The following CELF2 variants were observed in gnomAD, a reference collection of about 807,000 sequenced individuals.
CELF2 encodes the protein CUG triplet repeat RNA-binding protein 2.
CELF2 carries 8 observed loss-of-function variants against 62.6 expected under a neutral mutation model. The observed-to-expected ratio is 0.13, with a 90% CI of 0.07 to 0.23. CELF2 has a LOEUF of 0.23. CELF2 is among the 10% of genes least tolerant of loss of function. The pLI, the probability that CELF2 is intolerant of heterozygous loss-of-function variation, is 1.00. For synonymous variants in CELF2, 258 were observed against 250.0 expected (o/e 1.03, Z -0.30); for missense variants, 333 against 671.0 (o/e 0.50, Z 5.56).
chr10:10,559,173 C>G, the CELF2 span, among the ~76,000 whole-genome samples: 16 of 152,310 alleles, frequency 1.1e-4, no homozygotes, highest in African/African-American at 3.6e-4. Context: ...TTATAACAAA[C>G]TGTAGTAAGT....
chr10:11,049,162 T>G (rs1481893396), intron 1 of CELF2, among the ~76,000 whole-genome samples: 1 of 150,638 alleles, frequency 6.6e-6, no homozygotes, highest in Non-Finnish European at 1.5e-5. Flanking sequence ...AAAAAAAAAA[T>G]CAGCTTAGCC....
At position 11,331,455 on chromosome 10, in the gene CELF2, ATG is replaced by A. The variant is rs1491038202; in HGVS notation, c.*2404_*2405del. The A allele has an allele frequency of 2.0e-5, 3 of 151,838 alleles. No individual in the cohort carries two copies. The highest frequency in any genetic ancestry group is 7.3e-5 in the African/African-American group (3 of 41,286). 9.4% of individuals were successfully genotyped at this position (151,838 alleles called of 1,614,324 possible). ...ATGTGTTTGTGTTCAGCAAAATGTG[ATG>A]TTTTTTTCTTTTAAAGAAAAAAAGT... On this transcript the variant is annotated 3_prime_UTR_variant, in exon 13 of 13. Transcript: ENST00000633077.
rs1202323100 is a variant in CELF2 at position 10,931,133 on chromosome 10, G to A, written c.89+11134G>A. 1.3e-5 allele frequency among the ~76,000 whole-genome samples: 2 copies of A among 152,108 alleles called. No individual in the cohort carries two copies. The highest frequency in any genetic ancestry group is 6.5e-5 in the Admixed American group (1 of 15,278). On this transcript the variant is annotated intron_variant, in intron 2 of 13. Coordinates refer to the CELF2 transcript ENST00000636488. This position sits in a 1 kb window ranked among gnomAD's most constrained non-coding sequence, Gnocchi z 6.1. Reference sequence around the variant, plus strand: ...TCTTTTCGGATTAGGTTTTGTAAATGTTTCTATTATGTATTTTCCTTTTCC... The same window carrying A: ...TCTTTTCGGATTAGGTTTTGTAAATATTTCTATTATGTATTTTCCTTTTCC...
intron 1 of CELF2, among the ~76,000 whole-genome samples, chr10:11,111,047 C>G (rs887756693): frequency 6.6e-6 from 1 of 152,158 alleles, no homozygotes; most frequent in Non-Finnish European, 1.5e-5. Context: ...TACTCTCCAC[C>G]CTTTTCCATC....
At position 11,331,473 on chromosome 10, in the gene CELF2, G is replaced by GAAAA. The variant is rs974510875; in HGVS notation, c.*2424_*2427dup. On this transcript the variant is annotated 3_prime_UTR_variant, in exon 13 of 13. Coordinates refer to ENST00000633077, the MANE Select transcript of CELF2 (RefSeq NM_001326342.2). ...AAATGTGATGTTTTTTTCTTTTAAA[G>GAAAA]AAAAAAAGTGAAAATATATAGTGCC... The GAAAA allele has an allele frequency of 4.7e-5, 7 of 149,996 alleles. No individual in the cohort carries two copies. Among genetic ancestry groups the GAAAA allele is most frequent in the Non-Finnish European group, 1.5e-5 (1 of 67,538 alleles). The allele number at this position is 149,996 out of a possible 1,614,324, so 9.3% of individuals were successfully genotyped here.
chr10:10,992,208 G>T lies in CELF2; in HGVS notation c.89+72209G>T, dbSNP rs147256131. Among the ~76,000 whole-genome samples the T allele has an allele frequency of 2.0e-5, 3 of 152,294 alleles. No individual in the cohort carries two copies. In the East Asian group the frequency reaches 5.8e-4, roughly 29 times the overall value. On this transcript the variant is annotated intron_variant, in intron 2 of 13. Transcript: ENST00000636488. ...ACTTATGAATCTACAGATCAACAAT[G>T]GTTTGGCAGATCTAGGTTAGGTGGC...
chr10:11,293,731 T>C (rs913359146), intron 9 of CELF2, among the ~76,000 whole-genome samples: 14 of 152,186 alleles, frequency 9.2e-5, no homozygotes, highest in African/African-American at 3.4e-4. Flanking sequence ...GAAGGTGTGT[T>C]ATTTACTCAT....
the CELF2 span, among the ~76,000 whole-genome samples, chr10:10,753,960 A>T: frequency 6.6e-6 from 1 of 151,820 alleles, no homozygotes; most frequent in Non-Finnish European, 1.5e-5. Context: ...GATCAAATGC[A>T]TTGATGCAAT....
At chr10:10,833,576 T>C (rs2058046484) in intron 1 of CELF2, among the ~76,000 whole-genome samples, 1 of 152,186 alleles carries the variant, frequency 6.6e-6, no homozygotes, top group Non-Finnish European at 1.5e-5. Flanking sequence ...AATCAAGGAT[T>C]GTGAATCGTG....
intron 1 of CELF2, among the ~76,000 whole-genome samples, chr10:10,828,262 A>C (rs1322125392): frequency 6.6e-6 from 1 of 152,206 alleles, no homozygotes; most frequent in African/African-American, 2.4e-5. Flanking sequence ...AGGCAACCCA[A>C]GTAGCCATCA....
the CELF2 span, among the ~76,000 whole-genome samples, chr10:10,704,039 G>A: frequency 2.0e-5 from 3 of 152,194 alleles, no homozygotes; most frequent in East Asian, 1.9e-4. Flanking sequence ...TTGCTTTTAC[G>A]GTGGAACTTC....
intron 1 of CELF2, among the ~76,000 whole-genome samples, chr10:10,818,957 A>G (rs2131920120): frequency 6.6e-6 from 1 of 152,302 alleles, no homozygotes; most frequent in Non-Finnish European, 1.5e-5. Context: ...GTCCTGTGGT[A>G]GAGGTACAGT....
intron 2 of CELF2, among the ~76,000 whole-genome samples, chr10:11,209,703 G>A (rs1204935456): frequency 6.6e-6 from 1 of 151,590 alleles, no homozygotes; most frequent in Non-Finnish European, 1.5e-5. Context: ...GCCAAAGCCA[G>A]TGACTGAGAG....
intron 3 of CELF2, among the ~76,000 whole-genome samples, chr10:11,229,672 C>T (rs1225241871): frequency 6.6e-6 from 1 of 151,888 alleles, no homozygotes; most frequent in East Asian, 1.9e-4. Flanking sequence ...TCACTGCAAC[C>T]TCCACCTCCC....
At chr10:10,685,204 C>G in the CELF2 span, among the ~76,000 whole-genome samples, 1 of 152,188 alleles carries the variant, frequency 6.6e-6, no homozygotes, top group Non-Finnish European at 1.5e-5. Flanking sequence ...TTTGGTCTTT[C>G]TCTTCTCAGA....
chr10:10,888,616 C>A (rs2061925807), intron 1 of CELF2, among the ~76,000 whole-genome samples: 1 of 152,208 alleles, frequency 6.6e-6, no homozygotes. Context: ...TTCCGTGAGC[C>A]TAGGGCTGAA....
intron 1 of CELF2, among the ~76,000 whole-genome samples, chr10:10,898,502 C>A (rs1000055347): frequency 2.0e-5 from 3 of 152,162 alleles, no homozygotes; most frequent in African/African-American, 7.2e-5. Context: ...AGTTTCAGAG[C>A]AAAGGCTATT....
the CELF2 span, among the ~76,000 whole-genome samples, chr10:10,491,652 T>C: frequency 3.3e-5 from 5 of 152,214 alleles, no homozygotes. Flanking sequence ...TTCCTATCTC[T>C]AATCTCTGAA....
the CELF2 span, among the ~76,000 whole-genome samples, chr10:10,790,073 G>A: frequency 6.6e-6 from 1 of 151,618 alleles, no homozygotes; most frequent in Non-Finnish European, 1.5e-5. Context: ...TAACTTTTCT[G>A]TCTGTTATTT....
Sources: allele counts gnomAD v4.1 joint callset (sites outside exome capture counted in the v4.1 genomes callset), GRCh38; gene constraint gnomAD v4.1.1; non-coding constraint Gnocchi (gnomAD v3.1); transcripts MANE v1.5; gene names NCBI Gene and HGNC (gene_info 2026-07-23, HGNC 2026-07-21).